RPH3A: variants seen among roughly 807,000 people sequenced by gnomAD.
The protein encoded by RPH3A is rabphilin-3A.
A neutral mutation model predicts 102.2 loss-of-function variants in RPH3A; 48 were observed. The observed-to-expected ratio is 0.47, with a 90% CI of 0.37 to 0.60. The LOEUF (loss-of-function observed/expected upper bound fraction) is 0.60, where lower values mean the gene tolerates loss of function less well. Ranked by LOEUF, RPH3A falls within the 20% of genes least tolerant of loss-of-function variation. RPH3A has a pLI of 0.00. For synonymous variants in RPH3A, 310 were observed against 324.3 expected (o/e 0.96, Z 0.47); for missense variants, 781 against 910.1 (o/e 0.86, Z 1.83).
chr12:112,779,996 C>G (rs916656407), intron 1 of RPH3A, among the ~76,000 whole-genome samples: 10 of 152,210 alleles, frequency 6.6e-5, no homozygotes, highest in African/African-American at 2.4e-4. Context: ...CGGCCACTGC[C>G]AGAAGCTGGG....
chr12:112,757,254 A>C (rs2040828128), intron 1 of RPH3A, among the ~76,000 whole-genome samples: 1 of 152,216 alleles, frequency 6.6e-6, no homozygotes, highest in African/African-American at 2.4e-5. Context: ...TCTTTGATAA[A>C]AAGCCAAAGA....
chr12:112,712,830 G>A (rs1203839986), intron 1 of RPH3A, among the ~76,000 whole-genome samples: 1 of 151,840 alleles, frequency 6.6e-6, no homozygotes, highest in Non-Finnish European at 1.5e-5. Flanking sequence ...TCCCATCTCA[G>A]CCTCCTGAGT....
intron 2 of RPH3A, among the ~76,000 whole-genome samples, chr12:112,796,680 T>G (rs995411528): frequency 6.6e-6 from 1 of 152,240 alleles, no homozygotes; most frequent in Non-Finnish European, 1.5e-5. Flanking sequence ...TTGCTATTTA[T>G]CATGCATTGC....
In RPH3A at chr12:112,758,597, A is replaced by G. The variant is rs183467559; in HGVS notation, c.-139-33546A>G. 3.9e-4 allele frequency among the ~76,000 whole-genome samples: 60 copies of G among 152,302 alleles called. No individual in the cohort carries two copies. In the East Asian group the frequency reaches 5.4e-3, roughly 14 times the overall value. ...TTCATTTAATTCTCACAATATCCCT[A>G]TGGATTTTTACTACCATAATTTTAC... On this transcript the variant is annotated intron_variant, in intron 1 of 21. Coordinates refer to the RPH3A transcript ENST00000543106.
intron 1 of RPH3A, among the ~76,000 whole-genome samples, chr12:112,745,782 C>A (rs571035955): frequency 6.6e-6 from 1 of 152,278 alleles, no homozygotes; most frequent in African/African-American, 2.4e-5. Flanking sequence ...TCACTCCATT[C>A]CCATAGCTCA....
At chr12:112,596,417 T>C (rs907667858) in intron 1 of RPH3A, among the ~76,000 whole-genome samples, 10 of 152,340 alleles carry the variant, frequency 6.6e-5, no homozygotes, top group East Asian at 1.9e-4. Context: ...AAGTTTTGGT[T>C]TGTATTAGTA....
At chr12:112,776,393 A>C (rs1200212741) in intron 1 of RPH3A, among the ~76,000 whole-genome samples, 1 of 152,064 alleles carries the variant, frequency 6.6e-6, no homozygotes, top group Non-Finnish European at 1.5e-5. Flanking sequence ...ATCTGGGAGG[A>C]ACTTGGCTAT....
At chr12:112,837,490 C>A (rs912715180) in intron 4 of RPH3A, among the ~76,000 whole-genome samples, 1 of 152,070 alleles carries the variant, frequency 6.6e-6, no homozygotes, top group Non-Finnish European at 1.5e-5. Context: ...TTAGTTAACA[C>A]AGCTAATACT....
At chr12:112,673,310 CCTTTTTA>C (rs2040148479) in intron 1 of RPH3A, among the ~76,000 whole-genome samples, 1 of 152,020 alleles carries the variant, frequency 6.6e-6, no homozygotes. Context: ...TCATCATTTC[CCTTTTTA>C]CTTTACATTT....
At chr12:112,787,938 C>T (rs1408924264), upstream of RPH3A, among the ~76,000 whole-genome samples, 2 of 152,182 alleles carry the variant, frequency 1.3e-5, no homozygotes, top group Admixed American at 6.5e-5. Context: ...TGCTGAATTG[C>T]GGCCTGAGGA....
intron 1 of RPH3A, among the ~76,000 whole-genome samples, chr12:112,733,564 T>C (rs1405258348): frequency 6.6e-6 from 1 of 152,142 alleles, no homozygotes; most frequent in Non-Finnish European, 1.5e-5. Context: ...AAGCCTCGAA[T>C]TGGTCAGAAG....
intron 1 of RPH3A, among the ~76,000 whole-genome samples, chr12:112,624,526 T>A (rs2039757519): frequency 6.7e-6 from 1 of 149,866 alleles, no homozygotes; most frequent in South Asian, 2.1e-4. Flanking sequence ...AATCTCTGAA[T>A]AGACCAATAA....
intron 1 of RPH3A, among the ~76,000 whole-genome samples, chr12:112,749,720 CA>C (rs1250399303): frequency 1.3e-5 from 2 of 152,174 alleles, no homozygotes; most frequent in African/African-American, 2.4e-5. Context: ...GGAGAGATTA[CA>C]TCTTTTAGAA....
At chr12:112,701,417 G>A (rs186501617) in intron 1 of RPH3A, among the ~76,000 whole-genome samples, 136 of 152,246 alleles carry the variant, frequency 8.9e-4, no homozygotes, top group South Asian at 1.7e-3. Context: ...TAGGAGAGAG[G>A]GAATAAGGTT....
intron 16 of RPH3A, among the ~76,000 whole-genome samples, chr12:112,884,224 C>T (rs2042970142): frequency 6.6e-6 from 1 of 152,080 alleles, no homozygotes; most frequent in African/African-American, 2.4e-5. Context: ...ATGAACCCAC[C>T]CGATACTTGA....
Position 112,576,254 on chromosome 12 carries a change from G to A in RPH3A, c.-140+935G>A, listed in dbSNP as rs567985993. ...CTTAACCACGCTGCTGTGCTGAGCA[G>A]TTCAGCTGTGGGGGTCGCCAGGAGC... On this transcript the variant is annotated intron_variant, in intron 1 of 21. Transcript: ENST00000543106. Among the ~76,000 whole-genome samples the A allele has an allele frequency of 4.6e-5, 7 of 152,370 alleles. No homozygotes were observed. The East Asian group carries it at 1.2e-3, about 25-fold the overall frequency.
intron 1 of RPH3A, among the ~76,000 whole-genome samples, chr12:112,604,576 T>C (rs970705599): frequency 6.6e-6 from 1 of 152,234 alleles, no homozygotes; most frequent in African/African-American, 2.4e-5. Context: ...TATTACTAGG[T>C]AACAAATTAA....
At chr12:112,711,837 T>A (rs997727683) in intron 1 of RPH3A, among the ~76,000 whole-genome samples, 1 of 152,162 alleles carries the variant, frequency 6.6e-6, no homozygotes, top group Admixed American at 6.5e-5. Flanking sequence ...CTGTACAATT[T>A]TTTTCTTTTT....
chr12:112,697,780 G>T (rs1241237414), intron 1 of RPH3A, among the ~76,000 whole-genome samples: 1 of 152,058 alleles, frequency 6.6e-6, no homozygotes, highest in Non-Finnish European at 1.5e-5. Context: ...CATAAGAATC[G>T]CTTGAATCCA....
Sources: allele counts gnomAD v4.1 joint callset (sites outside exome capture counted in the v4.1 genomes callset), GRCh38; gene constraint gnomAD v4.1.1; transcripts MANE v1.5; gene names NCBI Gene and HGNC (gene_info 2026-07-23, HGNC 2026-07-21).